Variants in ADAMTSL3 observed in about 807,000 individuals in gnomAD.
ADAMTSL3 encodes the protein ADAMTS like 3.
ADAMTSL3 carries 128 observed loss-of-function variants against 201.7 expected under a neutral mutation model. The observed-to-expected ratio is 0.63, with a 90% CI of 0.55 to 0.73. ADAMTSL3 has a LOEUF of 0.73. Among genes scored for constraint, ADAMTSL3 ranks in the 30% least tolerant of loss-of-function variants. ADAMTSL3 has a pLI of 0.00. For missense variants in ADAMTSL3, 1,990 were observed against 2,119.6 expected (o/e 0.94, Z 1.20); for synonymous variants, 738 against 748.4 (o/e 0.99, Z 0.23).
chr15:84,030,371 G>T (rs1394943088), intron 27 of ADAMTSL3, among the ~76,000 whole-genome samples: 1 of 152,140 alleles, frequency 6.6e-6, no homozygotes, highest in Non-Finnish European at 1.5e-5. Context: ...GAAGACACGG[G>T]GTCATGTCTG....
At chr15:83,898,123 A>G in intron 14 of ADAMTSL3, 118 bp downstream of exon 14, 4 of 1,151,452 alleles carry the variant, frequency 3.5e-6, no homozygotes, top group South Asian at 3.2e-5. Flanking sequence ...TTATTGACAG[A>G]TTGCAATAGA....
At chr15:84,014,855 C>G in intron 24 of ADAMTSL3, 131 bp downstream of exon 24, 1 of 925,308 alleles carries the variant, frequency 1.1e-6, no homozygotes, top group Non-Finnish European at 1.6e-6. Context: ...CTGCCACTGC[C>G]TGCTTAAAAA....
intron 9 of ADAMTSL3, among the ~76,000 whole-genome samples, chr15:83,875,161 T>C (rs1055994545): frequency 5.3e-5 from 8 of 152,208 alleles, no homozygotes; most frequent in African/African-American, 1.9e-4. Context: ...AGCCGTCAGT[T>C]TGCACTGAAA....
rs1166197210 is a variant in ADAMTSL3, at chr15:83,986,073, C to T, written c.3717-2618C>T. Among the ~76,000 whole-genome samples the T allele has an allele frequency of 3.3e-5, 5 of 152,272 alleles. No individual in the cohort carries two copies. The East Asian group carries it at 9.6e-4, about 29-fold the overall frequency. On this transcript the variant is annotated intron_variant, in intron 21 of 29. Coordinates refer to ENST00000286744, the MANE Select transcript of ADAMTSL3 (RefSeq NM_207517.3). ...GTGCCAGCAGTCTTACCAACACTGC[C>T]TTTGCACTCTCAGTGCAAAGGTCAA...
Position 83,870,976 on chromosome 15 carries a change from C to T in ADAMTSL3, c.960+17C>T. The T allele has an allele frequency of 6.2e-7, 1 of 1,607,440 alleles. No individual in the cohort carries two copies. The highest frequency in any genetic ancestry group is 8.5e-7 in the Non-Finnish European group (1 of 1,178,338). ...ATCTTCAAGGTAGGATGATCCTCTTCATAAACTTCATGTACCTGAATCCCA... is the reference window on the plus strand; with the variant it reads ...ATCTTCAAGGTAGGATGATCCTCTTTATAAACTTCATGTACCTGAATCCCA... On this transcript the variant is annotated intron_variant, in intron 9 of 29. Transcript: ENST00000286744.
At chr15:83,674,119 T>A (rs1164814230) in intron 2 of ADAMTSL3, among the ~76,000 whole-genome samples, 1 of 151,264 alleles carries the variant, frequency 6.6e-6, no homozygotes, top group Non-Finnish European at 1.5e-5. Flanking sequence ...ATTTTTTCAC[T>A]TATAGATCAT....
chr15:83,773,039 G>T (rs945368525), intron 3 of ADAMTSL3, among the ~76,000 whole-genome samples: 1 of 152,056 alleles, frequency 6.6e-6, no homozygotes, highest in Non-Finnish European at 1.5e-5. Flanking sequence ...AAACCTTAAG[G>T]TGGAAAGGCA....
intron 6 of ADAMTSL3, among the ~76,000 whole-genome samples, chr15:83,830,720 G>T (rs2064138296): frequency 6.6e-6 from 1 of 152,164 alleles, no homozygotes; most frequent in African/African-American, 2.4e-5. Flanking sequence ...TTTAAAATCA[G>T]GGTATCAGCA....
intron 25 of ADAMTSL3, among the ~76,000 whole-genome samples, chr15:84,020,081 C>T (rs1453708565): frequency 1.3e-5 from 2 of 151,982 alleles, no homozygotes; most frequent in Non-Finnish European, 1.5e-5. Context: ...ATCATGGTTA[C>T]GTAAGTGCTT....
intron 6 of ADAMTSL3, among the ~76,000 whole-genome samples, chr15:83,822,415 G>A (rs1224616801): frequency 6.8e-6 from 1 of 147,016 alleles, no homozygotes; most frequent in East Asian, 2.1e-4. Context: ...GTTGCCGGGC[G>A]GAGGGTCTCC....
chr15:83,764,671 A>G (rs1377391854), intron 3 of ADAMTSL3, among the ~76,000 whole-genome samples: 1 of 152,070 alleles, frequency 6.6e-6, no homozygotes, highest in Non-Finnish European at 1.5e-5. Flanking sequence ...GCAGATAATG[A>G]GAATCGTCAA....
intron 20 of ADAMTSL3, among the ~76,000 whole-genome samples, chr15:83,974,410 G>T (rs576363379): frequency 1.3e-5 from 2 of 152,260 alleles, no homozygotes; most frequent in African/African-American, 4.8e-5. Flanking sequence ...TCGAATCAAT[G>T]CCAGGCACAC....
chr15:83,704,180 G>T (rs576711371), intron 2 of ADAMTSL3, among the ~76,000 whole-genome samples: 1 of 152,268 alleles, frequency 6.6e-6, no homozygotes, highest in African/African-American at 2.4e-5. Flanking sequence ...CTGCCAGTTT[G>T]ATTCGGGCCA....
intron 19 of ADAMTSL3, among the ~76,000 whole-genome samples, chr15:83,950,570 T>C (rs1025345099): frequency 1.3e-5 from 2 of 152,166 alleles, no homozygotes; most frequent in Non-Finnish European, 2.9e-5. Flanking sequence ...AGGGATTGCA[T>C]TGAATCTGTA....
In ADAMTSL3 at chr15:83,898,019, G is replaced by A. The variant is rs376126487; in HGVS notation, c.1615+14G>A. On this transcript the variant is annotated intron_variant, in intron 14 of 29. Coordinates refer to ENST00000286744, the MANE Select transcript of ADAMTSL3 (RefSeq NM_207517.3). ...ATAAACCAAAAGGTAAGTCTGTGGTGCACTGTAAATTCAAATCAAATGGTA... is the reference window on the plus strand; with the variant it reads ...ATAAACCAAAAGGTAAGTCTGTGGTACACTGTAAATTCAAATCAAATGGTA... 6.2e-7 allele frequency: 1 copy of A among 1,602,328 alleles called. No individual in the cohort carries two copies. The highest frequency in any genetic ancestry group is 8.5e-7 in the Non-Finnish European group (1 of 1,172,390).
intron 20 of ADAMTSL3, among the ~76,000 whole-genome samples, chr15:83,973,744 C>T (rs1402194750): frequency 6.6e-6 from 1 of 152,062 alleles, no homozygotes; most frequent in African/African-American, 2.4e-5. Flanking sequence ...TCTGTTTCAC[C>T]TCAAATCTAC....
At position 83,737,685 on chromosome 15, in the gene ADAMTSL3, C is replaced by G. The variant is rs527613281; in HGVS notation, c.189+33177C>G. On this transcript the variant is annotated intron_variant, in intron 3 of 29. Coordinates refer to ENST00000286744, the MANE Select transcript of ADAMTSL3 (RefSeq NM_207517.3). ...ATAACCAAACAATTGAAGAAAACCT[C>G]GCAGACCTGGAGAAATACACAAATC... Among the ~76,000 whole-genome samples the G allele has an allele frequency of 2.4e-3, 370 of 152,218 alleles. 18 individuals are homozygous for G. In the South Asian group the frequency reaches 0.074, roughly 31 times the overall value.
At chr15:83,852,117 T>G (rs141194404) in intron 7 of ADAMTSL3, among the ~76,000 whole-genome samples, 1 of 152,010 alleles carries the variant, frequency 6.6e-6, no homozygotes, top group East Asian at 1.9e-4. Flanking sequence ...ATTTGGCTTG[T>G]TTTTTTTGTT....
Position 83,890,262 on chromosome 15 carries a change from C to G in ADAMTSL3, c.1211+15C>G, listed in dbSNP as rs2065478005. 6.2e-7 allele frequency: 1 copy of G among 1,611,970 alleles called. No homozygotes were observed. Among genetic ancestry groups the G allele is most frequent in the African/African-American group, 1.3e-5 (1 of 74,882 alleles). On this transcript the variant is annotated intron_variant, in intron 11 of 29. Coordinates refer to ENST00000286744, the MANE Select transcript of ADAMTSL3 (RefSeq NM_207517.3). ...TGCCCATCAAGGTTTGTGTCATTGT[C>G]CACACCCTTTTTACTTCAAAAAGAA...
Sources: gnomAD v4.1 joint callset for allele counts (sites outside exome capture counted in the v4.1 genomes callset) on GRCh38, gnomAD v4.1.1 for gene constraint, MANE v1.5 for transcripts, NCBI Gene and HGNC (gene_info 2026-07-23, HGNC 2026-07-21) for gene names.